ZNF277: variants seen among roughly 807,000 people sequenced by gnomAD.
The protein encoded by ZNF277 is zinc finger protein 277.
Under a neutral mutation model 60.7 loss-of-function variants are expected in ZNF277, and 55 were observed. The observed-to-expected ratio is 0.91, with a 90% CI of 0.73 to 1.13. The LOEUF (loss-of-function observed/expected upper bound fraction) is 1.13. ZNF277 is among the 50% of genes most tolerant of loss of function. The pLI is 0.00. For synonymous variants in ZNF277, 178 were observed against 179.3 expected, an observed-to-expected ratio of 0.99 and a Z score of 0.06; for missense variants, 510 against 523.0, an observed-to-expected ratio of 0.98 and a Z score of 0.24.
At chr7:112,283,835 T>C (rs1424097149) in intron 1 of ZNF277, among the ~76,000 whole-genome samples, 2 of 152,228 alleles carry the variant, frequency 1.3e-5, no homozygotes, top group Non-Finnish European at 2.9e-5. Flanking sequence ...CAATGTGGGC[T>C]ACTGATATTT....
intron 7 of ZNF277, among the ~76,000 whole-genome samples, chr7:112,331,736 A>G (rs573354793): frequency 2.0e-5 from 3 of 152,322 alleles, no homozygotes; most frequent in East Asian, 3.9e-4. Context: ...CTCAGTCATT[A>G]CTTCCTAGAG....
intron 1 of ZNF277, among the ~76,000 whole-genome samples, chr7:112,275,556 AT>A (rs1268347579): frequency 2.0e-5 from 3 of 152,182 alleles, no homozygotes; most frequent in East Asian, 1.9e-4. Flanking sequence ...TTTAAAGCGT[AT>A]TTTTTAACAC....
intron 1 of ZNF277, among the ~76,000 whole-genome samples, chr7:112,208,465 A>T (rs1411485992): frequency 6.6e-6 from 1 of 152,068 alleles, no homozygotes. Context: ...AAAAGTTTTT[A>T]AAAGCACTTC....
Position 112,222,989 on chromosome 7 carries a change from C to T in ZNF277, c.91+16182C>T, listed in dbSNP as rs185001256. The stretch of plus-strand genomic sequence containing the variant: ...TACCATGCTGGATGCTTCCTGCCCT[C>T]GAACATCGTACTCCAAGTTCTTCAG... On this transcript the variant is annotated intron_variant, in intron 1 of 11. Transcript: ENST00000361822. Among the ~76,000 whole-genome samples, 35 of 152,300 alleles carry T rather than the reference C, an allele frequency of 2.3e-4. No homozygotes were observed. The East Asian group carries it at 3.3e-3, about 14-fold the overall frequency.
At chr7:112,299,799 C>T (rs948344246) in intron 4 of ZNF277, among the ~76,000 whole-genome samples, 2 of 152,132 alleles carry the variant, frequency 1.3e-5, no homozygotes, top group Non-Finnish European at 2.9e-5. Flanking sequence ...AGGATCTCAA[C>T]TCAAGTCCAC....
At chr7:112,326,086 G>T (rs1793087611) in intron 5 of ZNF277, among the ~76,000 whole-genome samples, 1 of 152,132 alleles carries the variant, frequency 6.6e-6, no homozygotes, top group African/African-American at 2.4e-5. Flanking sequence ...GCTCCCCTGA[G>T]TACATTCAGT....
chr7:112,219,185 A>C (rs1821963295), intron 1 of ZNF277, among the ~76,000 whole-genome samples: 1 of 152,148 alleles, frequency 6.6e-6, no homozygotes, highest in African/African-American at 2.4e-5. Flanking sequence ...CATGATTTTA[A>C]TATGCATTTC....
chr7:112,211,657 T>G (rs1417427514), intron 1 of ZNF277, among the ~76,000 whole-genome samples: 1 of 152,244 alleles, frequency 6.6e-6, no homozygotes. Context: ...CTTGAAATCT[T>G]CAGTGTAATT....
chr7:112,280,401 G>GT (rs549995828), intron 1 of ZNF277, among the ~76,000 whole-genome samples: 7 of 152,180 alleles, frequency 4.6e-5, no homozygotes, highest in South Asian at 4.2e-4. Context: ...TTGGAATGGT[G>GT]TTTTTTTACA....
intron 5 of ZNF277, 21 bp from the exon 6 acceptor site, chr7:112,327,696 A>G: frequency 6.3e-7 from 1 of 1,580,544 alleles, no homozygotes; most frequent in South Asian, 1.1e-5. Context: ...AATAATCCTA[A>G]TTGCTCAAAT....
At chr7:112,292,133 A>G (rs1314235452) in intron 2 of ZNF277, among the ~76,000 whole-genome samples, 3 of 152,182 alleles carry the variant, frequency 2.0e-5, no homozygotes, top group Admixed American at 2.0e-4. Flanking sequence ...ATTTCTTCCC[A>G]TGTGCATATC....
Position 112,286,855 on chromosome 7 carries a change from TTTTTTGGTCTA to T in ZNF277, c.92-15_92-5del. On this transcript the variant is annotated splice_polypyrimidine_tract_variant and splice_region_variant and intron_variant, in intron 1 of 11. Transcript: ENST00000361822. ...TTTCTTTCTTTCTTTTTTTTTTTTT[TTTTTTGGTCTA>T]TTCCAGACAGTAAGGATTGTATCCT... 7.0e-7 allele frequency: 1 copy of T among 1,423,798 alleles called. No individual in the cohort carries two copies. The highest frequency in any genetic ancestry group is 1.6e-5 in the South Asian group (1 of 64,194). 88.2% of individuals were successfully genotyped at this position (1,423,798 alleles called of 1,614,324 possible). A position where few individuals can be genotyped will look rare whatever the true frequency, so the allele number is the denominator to read the frequency against.
At position 112,336,085 on chromosome 7, in the gene ZNF277, C is replaced by G; in HGVS notation, c.802-19C>G. 1 of 1,607,492 alleles carries G rather than the reference C, an allele frequency of 6.2e-7. No homozygotes were observed. Among genetic ancestry groups the G allele is most frequent in the Non-Finnish European group, 8.5e-7 (1 of 1,176,082 alleles). On this transcript the variant is annotated intron_variant, in intron 7 of 11. Transcript: ENST00000361822. ...CTCTTTCCCCCAATGTCTCTCATCC[C>G]TCTGTTCTTCCTACAAAGGAACTTG...
chr7:112,320,679 A>T (rs1792958305), intron 5 of ZNF277, among the ~76,000 whole-genome samples: 2 of 152,026 alleles, frequency 1.3e-5, no homozygotes, highest in South Asian at 4.1e-4. Context: ...TCGAAAGTAT[A>T]TCTTATAGAC....
chr7:112,268,901 T>C (rs1323655305), intron 1 of ZNF277, among the ~76,000 whole-genome samples: 1 of 152,140 alleles, frequency 6.6e-6, no homozygotes, highest in Non-Finnish European at 1.5e-5. Flanking sequence ...TTAATCTAGA[T>C]TTTTGAGGAG....
At position 112,286,865 on chromosome 7, in the gene ZNF277, T is replaced by TAA; in HGVS notation, c.92-7_92-6insAA. ...TCTTTTTTTTTTTTTTTTTTTGGTC[T>TAA]ATTCCAGACAGTAAGGATTGTATCC... On this transcript the variant is annotated splice_polypyrimidine_tract_variant and splice_region_variant and intron_variant, in intron 1 of 11. Transcript: ENST00000361822. The TAA allele has an allele frequency of 6.9e-7, 1 of 1,441,148 alleles. No homozygotes were observed. The highest frequency in any genetic ancestry group is 9.5e-7 in the Non-Finnish European group (1 of 1,051,814). 89.3% of individuals were successfully genotyped at this position (1,441,148 alleles called of 1,614,324 possible).
chr7:112,322,835 G>A (rs181113084), intron 5 of ZNF277, among the ~76,000 whole-genome samples: 121 of 152,148 alleles, frequency 8.0e-4, no homozygotes, highest in Non-Finnish European at 1.0e-3. Context: ...GTAATATAAT[G>A]TGGCAACTCT....
At chr7:112,320,138 A>G (rs1369867387) in intron 5 of ZNF277, among the ~76,000 whole-genome samples, 1 of 152,142 alleles carries the variant, frequency 6.6e-6, no homozygotes, top group Non-Finnish European at 1.5e-5. Flanking sequence ...TCCATATGCC[A>G]TTAAATTCTT....
chr7:112,321,746 T>C (rs923430142), intron 5 of ZNF277, among the ~76,000 whole-genome samples: 1 of 152,150 alleles, frequency 6.6e-6, no homozygotes, highest in African/African-American at 2.4e-5. Context: ...GGAATAGTTT[T>C]ACAGGATGTA....
Sources: allele counts gnomAD v4.1 joint callset (sites outside exome capture counted in the v4.1 genomes callset), GRCh38; gene constraint gnomAD v4.1.1; transcripts MANE v1.5; gene names NCBI Gene and HGNC (gene_info 2026-07-23, HGNC 2026-07-21).